ODF2: variants seen among roughly 807,000 people sequenced by gnomAD.
ODF2 encodes outer dense fiber protein 2.
Under a neutral mutation model 110.2 loss-of-function variants are expected in ODF2, and 47 were observed. The observed-to-expected ratio is 0.43, with a 90% CI of 0.34 to 0.54. The LOEUF is 0.54. Ranked by LOEUF, ODF2 falls within the 20% of genes least tolerant of loss-of-function variation. The pLI is 0.03. For synonymous variants in ODF2, 352 were observed against 397.7 expected, an observed-to-expected ratio of 0.89 and a Z score of 1.37; for missense variants, 812 against 1,054.5, an observed-to-expected ratio of 0.77 and a Z score of 3.19.
rs1023352105 is a variant in ODF2, at chr9:128,474,211, T to C, written c.843+470T>C. On this transcript the variant is annotated intron_variant, in intron 8 of 20. Coordinates refer to ENST00000604420, the Ensembl canonical transcript of ODF2. ...CCATCTCTACTAAAAATACAAAAAT[T>C]AGGCTGAGCGCGGTGGATCATGCCT... 2.0e-5 allele frequency among the ~76,000 whole-genome samples: 3 copies of C among 151,930 alleles called. No individual in the cohort carries two copies. The East Asian group carries it at 5.8e-4, about 29-fold the overall frequency.
At chr9:128,474,774 C>T (rs1840881513) in intron 8 of ODF2, among the ~76,000 whole-genome samples, 1 of 152,008 alleles carries the variant, frequency 6.6e-6, no homozygotes, top group Non-Finnish European at 1.5e-5. Context: ...CCTGCTTGGC[C>T]AACGTGGTGA....
chr9:128,469,351 G>C, exon 5 of ODF2: 1 of 1,614,032 alleles, frequency 6.2e-7, no homozygotes, highest in Non-Finnish European at 8.5e-7. Flanking sequence ...TCTGAAGTCT[G>C]AGGTGAGGGA....
At chr9:128,461,131 C>T (rs1038368563) in intron 4 of ODF2, 64 bp downstream of exon 4, 158 of 1,569,760 alleles carry the variant, frequency 1.0e-4, no homozygotes, top group Middle Eastern at 1.7e-4. Flanking sequence ...GCCTCAGCCT[C>T]GGTATGATTC....
intron 1 of ODF2, 171 bp downstream of exon 1, chr9:128,456,426 C>T: frequency 2.0e-6 from 3 of 1,484,582 alleles, no homozygotes; most frequent in East Asian, 2.8e-5. Flanking sequence ...CCCCGCCCAC[C>T]GGCGCGGGGC....
intron 8 of ODF2, 96 bp from the exon 9 acceptor site, chr9:128,481,484 A>AG (rs1842389575): frequency 9.7e-7 from 1 of 1,029,204 alleles, no homozygotes; most frequent in East Asian, 2.7e-5. Flanking sequence ...AAAAAAAAAA[A>AG]AATACAATTT....
intron 13 of ODF2, among the ~76,000 whole-genome samples, chr9:128,486,051 A>C (rs1417376121): frequency 6.6e-6 from 1 of 152,146 alleles, no homozygotes; most frequent in Non-Finnish European, 1.5e-5. Flanking sequence ...GGAAAAACAT[A>C]TATTGAGCAT....
intron 2 of ODF2, among the ~76,000 whole-genome samples, chr9:128,458,105 C>G (rs35187316): frequency 7.2e-6 from 1 of 138,068 alleles, no homozygotes; most frequent in African/African-American, 2.7e-5. Flanking sequence ...CTCCCTGTCT[C>G]TGCCCCACCC....
chr9:128,498,675 C>T, intron 19 of ODF2, 100 bp downstream of exon 19: 1 of 698,246 alleles, frequency 1.4e-6, no homozygotes, highest in East Asian at 2.7e-5. Flanking sequence ...CACAGTAGTA[C>T]CCGCTTCATG....
intron 13 of ODF2, among the ~76,000 whole-genome samples, chr9:128,487,466 C>T (rs970815155): frequency 3.3e-5 from 5 of 152,108 alleles, no homozygotes; most frequent in Non-Finnish European, 5.9e-5. Context: ...CTGGGTCCCA[C>T]ACCACACAAA....
chr9:128,457,391 C>T, exon 2 of ODF2: 1 of 1,613,230 alleles, frequency 6.2e-7, no homozygotes, highest in South Asian at 1.1e-5. Flanking sequence ...ACCTTTGCGG[C>T]TTTGATGCCT....
At chr9:128,484,908 G>C (rs753693434) in intron 12 of ODF2, 22 bp downstream of exon 12, 2 of 1,609,036 alleles carry the variant, frequency 1.2e-6, no homozygotes. Flanking sequence ...GCGGTGCCCA[G>C]CTCCTCACCT....
At chr9:128,455,725 AG>A (rs1273317597), upstream of ODF2, among the ~76,000 whole-genome samples, 2 of 152,084 alleles carry the variant, frequency 1.3e-5, no homozygotes, top group African/African-American at 4.8e-5. Flanking sequence ...CCGCATTAAT[AG>A]TGGACTAGGG....
downstream of ODF2, chr9:128,500,519 AC>A: frequency 2.4e-6 from 1 of 416,526 alleles, no homozygotes; most frequent in South Asian, 4.3e-5. Context: ...ACATTAGGGT[AC>A]CACATTTTAA....
At chr9:128,492,323 G>A (rs1379082368) in intron 14 of ODF2, 103 bp from the exon 15 acceptor site, 1 of 787,568 alleles carries the variant, frequency 1.3e-6, no homozygotes, top group Non-Finnish European at 2.3e-6. Flanking sequence ...GTGGGTTAGA[G>A]TAGGGGGCCT....
chr9:128,456,793 C>T, intron 1 of ODF2: 2 of 1,105,878 alleles, frequency 1.8e-6, no homozygotes, highest in East Asian at 3.2e-5. Context: ...CCCAGCCCGG[C>T]GTCTATCCTG....
chr9:128,479,093 C>T (rs1035747516), intron 8 of ODF2, among the ~76,000 whole-genome samples: 7 of 152,150 alleles, frequency 4.6e-5, no homozygotes, highest in Non-Finnish European at 7.3e-5. Flanking sequence ...CATCCGTGGC[C>T]AAGCCTTCTG....
intron 8 of ODF2, among the ~76,000 whole-genome samples, chr9:128,478,697 G>A (rs1841835657): frequency 1.3e-5 from 2 of 152,030 alleles, no homozygotes; most frequent in African/African-American, 4.8e-5. Context: ...AATTGGAGAT[G>A]AAGGGTCAGC....
In ODF2 at chr9:128,482,885, A is replaced by T; in HGVS notation, c.985A>T (p.Lys329Ter). Residue 329 changes from lysine to a stop codon, truncating the protein, a stop_gained and splice_region_variant, in exon 10 of 21, where the codon AAG becomes TAG. Transcript: ENST00000604420. LOFTEE classifies it high-confidence loss of function. ...GCTCCTTCAGGAAATACAATGTGAG[A>T]AGGTAGTGTGCTTTTTTTTTTTTTT... 1 of 1,579,784 alleles carries T rather than the reference A, an allele frequency of 6.3e-7. No homozygotes were observed. The highest frequency in any genetic ancestry group is 8.6e-7 in the Non-Finnish European group (1 of 1,159,810).
At chr9:128,466,980 T>TAA (rs398046919) in intron 4 of ODF2, among the ~76,000 whole-genome samples, 2 of 19,790 alleles carry the variant, frequency 1.0e-4, no homozygotes, top group African/African-American at 3.7e-4. Context: ...CCATCTCAAT[T>TAA]AAAAAAAAAA....
Sources: gnomAD v4.1 joint callset for allele counts (sites outside exome capture counted in the v4.1 genomes callset) on GRCh38, gnomAD v4.1.1 for gene constraint, MANE v1.5 for transcripts, NCBI Gene and HGNC (gene_info 2026-07-23, HGNC 2026-07-21) for gene names.